The following OTUD7A variants were observed in gnomAD, a reference collection of about 807,000 sequenced individuals.
The protein encoded by OTUD7A is OTU deubiquitinase 7A, also known as OTU domain-containing protein 7A.
Under a neutral mutation model 65.7 loss-of-function variants are expected in OTUD7A, and 12 were observed. The ratio of observed to expected loss-of-function variants is 0.18; its 90% confidence interval spans 0.12 to 0.30. The LOEUF (loss-of-function observed/expected upper bound fraction) is 0.30, where lower values mean the gene tolerates loss of function less well. Ranked by LOEUF, OTUD7A falls within the 10% of genes least tolerant of loss-of-function variation. The pLI is 1.00. For synonymous variants in OTUD7A, 641 were observed against 586.3 expected, an observed-to-expected ratio of 1.09 and a Z score of -1.35; for missense variants, 1,148 against 1,304.8, an observed-to-expected ratio of 0.88 and a Z score of 1.85.
chr15:31,592,604 C>A (rs1303551076), intron 3 of OTUD7A, among the ~76,000 whole-genome samples: 1 of 151,642 alleles, frequency 6.6e-6, no homozygotes, highest in South Asian at 2.1e-4. Context: ...TAAGTAGGGC[C>A]GCGCGGTGGC....
At chr15:31,601,704 C>T (rs148572049) in intron 3 of OTUD7A, among the ~76,000 whole-genome samples, 3,163 of 151,492 alleles carry the variant, frequency 0.021, 102 homozygotes, top group African/African-American at 0.073. Context: ...CAAAATAGAC[C>T]GCTAGCCAGA....
intron 3 of OTUD7A, among the ~76,000 whole-genome samples, chr15:31,603,473 C>T (rs1214813807): frequency 6.6e-6 from 1 of 152,162 alleles, no homozygotes; most frequent in African/African-American, 2.4e-5. Flanking sequence ...AAACGTAAGA[C>T]CTAAAACCAT....
chr15:31,722,001 A>G (rs1006134164), intron 1 of OTUD7A, among the ~76,000 whole-genome samples: 1 of 152,206 alleles, frequency 6.6e-6, no homozygotes, highest in African/African-American at 2.4e-5. Context: ...TAACTGAAGG[A>G]GAAGAGGCGG....
chr15:31,689,904 A>T (rs372684957), intron 1 of OTUD7A, among the ~76,000 whole-genome samples: 14 of 152,054 alleles, frequency 9.2e-5, no homozygotes, highest in African/African-American at 3.4e-4. Flanking sequence ...ATCTGCAGGG[A>T]ACCTCAAAGT....
chr15:31,696,282 A>G (rs1004846449), intron 1 of OTUD7A, among the ~76,000 whole-genome samples: 4 of 135,978 alleles, frequency 2.9e-5, no homozygotes, highest in African/African-American at 1.0e-4. Context: ...GCGCATTTTG[A>G]GCGTGCCTGC....
chr15:31,796,377 G>C (rs1193916952), intron 1 of OTUD7A, among the ~76,000 whole-genome samples: 1 of 152,158 alleles, frequency 6.6e-6, no homozygotes, highest in Non-Finnish European at 1.5e-5. Flanking sequence ...GGAGTCTGAA[G>C]GCTGTCTGAA....
chr15:31,869,641 C>T (rs760949193), intron 1 of OTUD7A, among the ~76,000 whole-genome samples: 29 of 152,206 alleles, frequency 1.9e-4, no homozygotes, highest in Non-Finnish European at 3.8e-4. Context: ...TAAATCTATA[C>T]ATTCTCAAGC....
intron 1 of OTUD7A, among the ~76,000 whole-genome samples, chr15:31,670,609 C>T (rs1465751719): frequency 2.0e-5 from 3 of 152,178 alleles, no homozygotes; most frequent in Admixed American, 6.5e-5. Context: ...ATATCCTTTG[C>T]CCACTTTTTA....
intron 1 of OTUD7A, among the ~76,000 whole-genome samples, chr15:31,753,717 TA>T (rs1183345829): frequency 0.013 from 1,104 of 85,530 alleles, 33 homozygotes; most frequent in Admixed American, 0.016. Context: ...TATATATATA[TA>T]TATTATATAT....
chr15:31,600,494 C>T (rs1188932850), intron 3 of OTUD7A, among the ~76,000 whole-genome samples: 2 of 152,178 alleles, frequency 1.3e-5, no homozygotes, highest in African/African-American at 4.8e-5. Flanking sequence ...CGGTACCAGC[C>T]ACTGCAAAAA....
intron 1 of OTUD7A, among the ~76,000 whole-genome samples, chr15:31,701,033 A>G (rs1006958838): frequency 2.0e-5 from 3 of 152,222 alleles, no homozygotes; most frequent in Non-Finnish European, 4.4e-5. Flanking sequence ...AGACAAACCC[A>G]AATGGAAGGT....
At chr15:31,840,608 C>T (rs1460571995) in intron 1 of OTUD7A, among the ~76,000 whole-genome samples, 1 of 152,080 alleles carries the variant, frequency 6.6e-6, no homozygotes, top group Non-Finnish European at 1.5e-5. Flanking sequence ...GACTGTTTTT[C>T]GGTCTTTTTT....
chr15:31,792,788 G>T (rs1474627864), intron 1 of OTUD7A, among the ~76,000 whole-genome samples: 2 of 152,188 alleles, frequency 1.3e-5, no homozygotes, highest in Non-Finnish European at 1.5e-5. Context: ...TATGCCTCAG[G>T]GAACAGTGAC....
rs376806796 is a variant in OTUD7A at position 31,761,141 on chromosome 15, C to T, written c.-99-104064G>A. Among the ~76,000 whole-genome samples, 62 of 151,986 alleles carry T rather than the reference C, an allele frequency of 4.1e-4. 1 individual carries two copies. Among genetic ancestry groups the T allele is most frequent in the African/African-American group, 1.4e-3 (59 of 41,430 alleles). On this transcript the variant is annotated intron_variant, in intron 1 of 12. Coordinates refer to ENST00000307050, the MANE Select transcript of OTUD7A (RefSeq NM_001382637.1). ...GAGTTAGGCAATAATTTTGTAGGTACAATAACAAAAGTACAATCAACAAAA... is the reference window on the plus strand; with the variant it reads ...GAGTTAGGCAATAATTTTGTAGGTATAATAACAAAAGTACAATCAACAAAA...
At chr15:31,644,801 G>A (rs1314940797) in intron 3 of OTUD7A, among the ~76,000 whole-genome samples, 1 of 152,140 alleles carries the variant, frequency 6.6e-6, no homozygotes, top group Non-Finnish European at 1.5e-5. Flanking sequence ...TCATTACAGG[G>A]CTAATTATTC....
chr15:31,760,721 T>C (rs1439061904), intron 1 of OTUD7A, among the ~76,000 whole-genome samples: 3 of 152,184 alleles, frequency 2.0e-5, no homozygotes, highest in South Asian at 2.1e-4. Flanking sequence ...AAAATTCATA[T>C]GGAAATTCAA....
intron 3 of OTUD7A, among the ~76,000 whole-genome samples, chr15:31,645,876 G>A (rs567829955): frequency 7.2e-5 from 11 of 152,290 alleles, no homozygotes; most frequent in East Asian, 3.9e-4. Flanking sequence ...GAAGGACCTT[G>A]AAGGCAGGGC....
intron 3 of OTUD7A, among the ~76,000 whole-genome samples, chr15:31,604,552 ACTGCACATT>A (rs36233033): frequency 0.21 from 32,324 of 151,672 alleles, 3,626 homozygotes; most frequent in East Asian, 0.25. Flanking sequence ...GTGTAACACA[ACTGCACATT>A]CTGCACATTC....
At chr15:31,760,718 A>T (rs1894937673) in intron 1 of OTUD7A, among the ~76,000 whole-genome samples, 1 of 152,332 alleles carries the variant, frequency 6.6e-6, no homozygotes, top group Admixed American at 6.5e-5. Flanking sequence ...CCTAAAATTC[A>T]TATGGAAATT....
Sources: allele counts gnomAD v4.1 joint callset (sites outside exome capture counted in the v4.1 genomes callset), GRCh38; gene constraint gnomAD v4.1.1; transcripts MANE v1.5; gene names NCBI Gene and HGNC (gene_info 2026-07-23, HGNC 2026-07-21).